Variants in UTP20 observed in about 807,000 individuals in gnomAD.
UTP20 encodes the protein small subunit processome component 20 homolog.
In UTP20, 164 loss-of-function variants were observed where a neutral mutation model predicts 329.5. The observed-to-expected ratio is 0.50, with a 90% confidence interval of 0.44 to 0.57. The LOEUF (loss-of-function observed/expected upper bound fraction) is 0.57. Ranked by LOEUF, UTP20 falls within the 20% of genes least tolerant of loss-of-function variation. The probability of loss-of-function intolerance (pLI) is 0.00; values close to 1 mark genes in which losing one functional copy is unlikely to be tolerated. For missense variants in UTP20, 3,055 were observed against 3,284.2 expected, an observed-to-expected ratio of 0.93 and a Z score of 1.71; for synonymous variants, 1,151 against 1,159.3, an observed-to-expected ratio of 0.99 and a Z score of 0.14.
intron 25 of UTP20, among the ~76,000 whole-genome samples, chr12:101,325,135 A>T (rs996938442): frequency 6.6e-6 from 1 of 152,196 alleles, no homozygotes; most frequent in African/African-American, 2.4e-5. Flanking sequence ...TTTTACTCAG[A>T]ATATAATAGA....
intron 38 of UTP20, among the ~76,000 whole-genome samples, chr12:101,349,752 T>C (rs1322616666): frequency 6.6e-6 from 1 of 152,186 alleles, no homozygotes; most frequent in Non-Finnish European, 1.5e-5. Context: ...AACTTGGAAA[T>C]TTTCAAATAT....
At chr12:101,375,558 G>A in intron 55 of UTP20, 66 bp from the exon 56 acceptor site, 1 of 1,561,524 alleles carries the variant, frequency 6.4e-7, no homozygotes, top group Non-Finnish European at 8.7e-7. Flanking sequence ...ATGTGCTGGA[G>A]TAAAATTGTC....
chr12:101,373,751 G>C lies in UTP20; in HGVS notation c.7115G>C (p.Trp2372Ser). 1 of 1,609,182 alleles carries C rather than the reference G, an allele frequency of 6.2e-7. No individual in the cohort carries two copies. Among genetic ancestry groups the C allele is most frequent in the South Asian group, 1.1e-5 (1 of 89,556 alleles). Residue 2372 changes from tryptophan (W) to serine (S), a missense_variant, in exon 54 of 62, where the codon TGG becomes TCG. Trp to Ser is a radical substitution (Grantham distance 177). Transcript: ENST00000261637. ...KDWLFDMVTT[W>S]FGAKKRLNRQ... ...TGGCTGTTTGATATGGTTACCACTT[G>C]GTTTGGAGCAAAAAAGGTGTGCGTT...
intron 14 of UTP20, among the ~76,000 whole-genome samples, chr12:101,302,055 T>C (rs1280650629): frequency 6.6e-6 from 1 of 152,150 alleles, no homozygotes; most frequent in East Asian, 1.9e-4. Context: ...CTCAGCCTCC[T>C]GAGTAGTTGG....
chr12:101,371,608 A>C (rs1193207089), intron 51 of UTP20, among the ~76,000 whole-genome samples: 2 of 132,130 alleles, frequency 1.5e-5, no homozygotes, highest in African/African-American at 5.9e-5. Flanking sequence ...ATCTCGGCTC[A>C]CTGCCACCTC....
rs1474886631 is a variant in UTP20 at position 101,352,830 on chromosome 12, A to G, written c.5025-217A>G. Among the ~76,000 whole-genome samples the G allele has an allele frequency of 1.3e-5, 2 of 151,910 alleles. 1 individual carries two copies. Among genetic ancestry groups the G allele is most frequent in the Admixed American group, 1.3e-4 (2 of 15,250 alleles). ...GTATAATAATAAATAAATAAATTTAAAAAAAAGTAATTTAAAAAATATTTT... is the reference window on the plus strand; with the variant it reads ...GTATAATAATAAATAAATAAATTTAGAAAAAAGTAATTTAAAAAATATTTT... On this transcript the variant is annotated intron_variant, in intron 39 of 61. Coordinates refer to ENST00000261637, the MANE Select transcript of UTP20 (RefSeq NM_014503.3).
At chr12:101,348,924 C>A (rs1269543889) in intron 38 of UTP20, among the ~76,000 whole-genome samples, 1 of 151,778 alleles carries the variant, frequency 6.6e-6, no homozygotes, top group Admixed American at 6.6e-5. Flanking sequence ...TAGTACAGGT[C>A]TACTAGTGAT....
In UTP20 at chr12:101,363,630, A is replaced by T; in HGVS notation, c.5845A>T (p.Ile1949Phe). The change falls in exon 45 of 62, where the codon ATC (isoleucine) becomes TTC (phenylalanine). Residue 1949 changes from isoleucine to phenylalanine, a missense_variant. Physicochemically the swap from Ile to Phe is conservative, Grantham distance 21. Around this residue, in one of 3 missense-constraint regions of UTP20, gnomAD observed 2,445 missense variants for 2,575.5 expected, o/e 0.95. Coordinates refer to ENST00000261637, the MANE Select transcript of UTP20 (RefSeq NM_014503.3). ...AVAEEKEVKQ[I>F]LSKVMEARRS... The stretch of plus-strand genomic sequence containing the variant: ...TGCTGAAGAGAAGGAAGTAAAGCAG[A>T]TCCTCTCCAAAGTCATGGAAGCACG... 2.5e-6 allele frequency: 4 copies of T among 1,614,170 alleles called. No homozygotes were observed. Among genetic ancestry groups the T allele is most frequent in the Non-Finnish European group, 2.5e-6 (3 of 1,180,018 alleles).
Position 101,372,969 on chromosome 12 carries a change from C to T in UTP20, c.6878+6C>T. The T allele has an allele frequency of 6.2e-7, 1 of 1,612,604 alleles. No individual in the cohort carries two copies. Among genetic ancestry groups the T allele is most frequent in the Non-Finnish European group, 8.5e-7 (1 of 1,178,628 alleles). ...TTCATGCTCGCTCAACTGAAGTAAG[C>T]TTAAGCTATTAACTACACAGGGGCG... On this transcript the variant is annotated splice_donor_region_variant and intron_variant, in intron 52 of 61. Transcript: ENST00000261637.
intron 25 of UTP20, among the ~76,000 whole-genome samples, chr12:101,323,334 G>A: frequency 6.6e-6 from 1 of 152,118 alleles, no homozygotes; most frequent in East Asian, 1.9e-4. Context: ...ATAGATTCTT[G>A]ATAGGAAAAT....
At chr12:101,318,171 CTCTT>C (rs1224421637) in intron 22 of UTP20, among the ~76,000 whole-genome samples, 1 of 152,060 alleles carries the variant, frequency 6.6e-6, no homozygotes, top group Non-Finnish European at 1.5e-5. Flanking sequence ...TTGTTATACT[CTCTT>C]TCTTATTCTT....
intron 35 of UTP20, 24 bp from the exon 36 acceptor site, chr12:101,344,567 ATTTC>A: frequency 1.1e-6 from 1 of 887,616 alleles, no homozygotes; most frequent in Non-Finnish European, 1.9e-6. Context: ...ACAGAGAATA[ATTTC>A]TTTTTTATTT....
chr12:101,288,464 A>T (rs1379855880), intron 5 of UTP20, among the ~76,000 whole-genome samples: 1 of 152,210 alleles, frequency 6.6e-6, no homozygotes, highest in Non-Finnish European at 1.5e-5. Context: ...CCATAGAGTT[A>T]TTGTGCTGAT....
chr12:101,380,839 G>A (rs865953623), intron 57 of UTP20, among the ~76,000 whole-genome samples: 70 of 147,874 alleles, frequency 4.7e-4, no homozygotes, highest in African/African-American at 1.5e-3. Flanking sequence ...AGTCCAGCCC[G>A]GGCCACAGAG....
intron 8 of UTP20, 190 bp from the exon 9 acceptor site, chr12:101,291,552 A>AT: frequency 2.8e-6 from 1 of 353,870 alleles, no homozygotes; most frequent in Non-Finnish European, 4.6e-6. Flanking sequence ...AAAAAAAAAA[A>AT]AAAAAAAAAA....
In UTP20 at chr12:101,293,238, T is replaced by C; in HGVS notation, c.1244T>C (p.Phe415Ser). The C allele has an allele frequency of 6.2e-7, 1 of 1,614,034 alleles. No individual in the cohort carries two copies. The highest frequency in any genetic ancestry group is 8.5e-7 in the Non-Finnish European group (1 of 1,179,976). Residue 415 changes from phenylalanine to serine, a missense_variant, in exon 11 of 62, where the codon TTT (phenylalanine) becomes TCT (serine). Phe to Ser is a radical substitution (Grantham distance 155). Around this residue, in one of 3 missense-constraint regions of UTP20, gnomAD observed 2,445 missense variants for 2,575.5 expected, o/e 0.95. Transcript: ENST00000261637. ...GAAGTCATGTTTGCCATGAAGCAGT[T>C]TGAGCAGGTAAGCAAGTTACTAAGT... Reference protein sequence around the residue: ...FSEVMFAMKQFEQLFLPSFLS... With the variant: ...FSEVMFAMKQSEQLFLPSFLS...
chr12:101,335,684 A>T (rs1186350952), intron 29 of UTP20, among the ~76,000 whole-genome samples: 1 of 152,218 alleles, frequency 6.6e-6, no homozygotes, highest in Non-Finnish European at 1.5e-5. Flanking sequence ...ACAAGATTGG[A>T]ATCATACTGT....
chr12:101,315,208 A>G (rs1451914858), intron 21 of UTP20, among the ~76,000 whole-genome samples: 1 of 150,196 alleles, frequency 6.7e-6, no homozygotes, highest in Admixed American at 6.6e-5. Context: ...AGAACTGGCC[A>G]GGCACGGTGG....
At chr12:101,361,128 T>C (rs567789508) in intron 43 of UTP20, among the ~76,000 whole-genome samples, 2 of 152,262 alleles carry the variant, frequency 1.3e-5, no homozygotes, top group South Asian at 2.1e-4. Context: ...ACTCCATAGA[T>C]TGGATGAGTG....
Sources: gnomAD v4.1 joint callset for allele counts (sites outside exome capture counted in the v4.1 genomes callset) on GRCh38, gnomAD v4.1.1 for gene constraint, gnomAD v4.1.1 regional missense constraint, MANE v1.5 for transcripts, NCBI Gene and HGNC (gene_info 2026-07-23, HGNC 2026-07-21) for gene names.